Variants in GAREM1 observed in about 807,000 individuals in gnomAD.
GAREM1 encodes GRB2-associated and regulator of MAPK protein 1.
Under a neutral mutation model 71.3 loss-of-function variants are expected in GAREM1, and 26 were observed. That is an observed-to-expected ratio of 0.36 (90% CI 0.27 to 0.51). The LOEUF is 0.51. GAREM1 is among the 20% of genes least tolerant of loss of function. The pLI, the probability that GAREM1 is intolerant of heterozygous loss-of-function variation, is 0.95. For missense variants in GAREM1, 1,026 were observed against 1,103.1 expected (o/e 0.93, Z 0.99); for synonymous variants, 440 against 433.2 (o/e 1.02, Z -0.20).
At chr18:32,376,473 CTG>C (rs1251325430) in intron 2 of GAREM1, among the ~76,000 whole-genome samples, 7 of 152,204 alleles carry the variant, frequency 4.6e-5, no homozygotes, top group Admixed American at 4.6e-4. Flanking sequence ...ATCACATAAA[CTG>C]TAAATATTTT....
At position 32,315,442 on chromosome 18, in the gene GAREM1, AT is replaced by A. The variant is rs202221722; in HGVS notation, c.263-5120del. 7.0e-4 allele frequency among the ~76,000 whole-genome samples: 100 copies of A among 142,576 alleles called. 1 individual carries two copies. Among genetic ancestry groups the A allele is most frequent in the Middle Eastern group, 3.6e-3 (1 of 276 alleles). 93.5% of individuals were successfully genotyped at this position (142,576 alleles called of 152,430 possible). On this transcript the variant is annotated intron_variant, in intron 2 of 5. Coordinates refer to ENST00000269209, the MANE Select transcript of GAREM1 (RefSeq NM_001242409.2). ...ATATATATAAAGTATATATAAAAAA[AT>A]ATATATAAAAGTATATATATAAATA...
chr18:32,296,714 T>TAG (rs1189274075), intron 3 of GAREM1, among the ~76,000 whole-genome samples: 3 of 151,688 alleles, frequency 2.0e-5, no homozygotes, highest in South Asian at 2.1e-4. Context: ...GCAGTTTTTT[T>TAG]TTTTTTTTAA....
At chr18:32,407,658 C>T (rs903468489) in intron 1 of GAREM1, among the ~76,000 whole-genome samples, 3 of 152,134 alleles carry the variant, frequency 2.0e-5, no homozygotes, top group Non-Finnish European at 2.9e-5. Flanking sequence ...CTTCTCTTCC[C>T]TCTTTATTCT....
At chr18:32,420,504 A>G (rs2048509329) in intron 1 of GAREM1, among the ~76,000 whole-genome samples, 1 of 152,246 alleles carries the variant, frequency 6.6e-6, no homozygotes, top group African/African-American at 2.4e-5. Context: ...TTATGGATTC[A>G]CTATTCCTGA....
At chr18:32,449,219 C>T (rs1193973268) in intron 1 of GAREM1, among the ~76,000 whole-genome samples, 1 of 152,140 alleles carries the variant, frequency 6.6e-6, no homozygotes, top group East Asian at 1.9e-4. Flanking sequence ...CATAATTAGT[C>T]CTCAATGAAC....
chr18:32,335,975 T>C (rs1468314385), intron 2 of GAREM1, among the ~76,000 whole-genome samples: 6 of 152,186 alleles, frequency 3.9e-5, no homozygotes, highest in Admixed American at 3.9e-4. Context: ...ACGCTGACAC[T>C]ACCAGAAAGA....
intron 2 of GAREM1, among the ~76,000 whole-genome samples, chr18:32,344,020 T>G (rs1397096882): frequency 6.6e-6 from 1 of 152,152 alleles, no homozygotes; most frequent in Non-Finnish European, 1.5e-5. Context: ...TTGCCAAGGC[T>G]CAGATCTCCA....
chr18:32,270,195 G>C (rs985293221), intron 5 of GAREM1, 22 bp downstream of exon 5: 1 of 1,611,962 alleles, frequency 6.2e-7, no homozygotes, highest in Non-Finnish European at 8.5e-7. Flanking sequence ...AGCGTGCAGT[G>C]GGACCTGGCA....
At chr18:32,271,427 T>G (rs1213302912) in intron 4 of GAREM1, among the ~76,000 whole-genome samples, 1 of 152,088 alleles carries the variant, frequency 6.6e-6, no homozygotes, top group African/African-American at 2.4e-5. Context: ...TCCTTGCATC[T>G]ACTTGCCTGG....
intron 1 of GAREM1, among the ~76,000 whole-genome samples, chr18:32,399,327 T>A (rs1219278195): frequency 6.6e-6 from 1 of 152,094 alleles, no homozygotes; most frequent in Non-Finnish European, 1.5e-5. Context: ...GCCAGGGCAA[T>A]CAGGCAGGAG....
chr18:32,280,647 T>C, intron 4 of GAREM1, among the ~76,000 whole-genome samples: 1 of 152,242 alleles, frequency 6.6e-6, no homozygotes, highest in East Asian at 1.9e-4. Context: ...TTTGTGATGA[T>C]TCCACAGTTA....
chr18:32,413,098 C>A, intron 1 of GAREM1: 2 of 1,535,646 alleles, frequency 1.3e-6, no homozygotes, highest in Non-Finnish European at 1.8e-6. Context: ...AGGCTCTCAT[C>A]AGTTGTTTCA....
chr18:32,419,684 G>T (rs564904263), intron 1 of GAREM1, among the ~76,000 whole-genome samples: 1 of 148,256 alleles, frequency 6.7e-6, no homozygotes, highest in Non-Finnish European at 1.5e-5. Context: ...AATTACATCT[G>T]TAAAATTTAA....
chr18:32,450,533 C>T (rs538093290), intron 1 of GAREM1, among the ~76,000 whole-genome samples: 2 of 152,182 alleles, frequency 1.3e-5, no homozygotes, highest in Non-Finnish European at 2.9e-5. Flanking sequence ...GTGATTCACT[C>T]GGTAGCTTGA....
At chr18:32,383,196 C>G (rs2048113930) in intron 2 of GAREM1, among the ~76,000 whole-genome samples, 1 of 152,184 alleles carries the variant, frequency 6.6e-6, no homozygotes, top group South Asian at 2.1e-4. Context: ...TATACCTCAC[C>G]AAAAATCAAC....
rs184676413 is a variant in GAREM1, at chr18:32,359,452, C to T, written c.262+33443G>A. Among the ~76,000 whole-genome samples, 15 of 152,272 alleles carry T rather than the reference C, an allele frequency of 9.9e-5. No homozygotes were observed. In the East Asian group the frequency reaches 2.9e-3, roughly 29 times the overall value. ...CAGTTTGGGGATTATAATAAAAATTCAGTTTATACTATACAGTTCACAGTG... is the reference window on the plus strand; with the variant it reads ...CAGTTTGGGGATTATAATAAAAATTTAGTTTATACTATACAGTTCACAGTG... On this transcript the variant is annotated intron_variant, in intron 2 of 5. Transcript: ENST00000269209.
intron 1 of GAREM1, among the ~76,000 whole-genome samples, chr18:32,448,720 A>G (rs776494850): frequency 2.0e-5 from 3 of 152,252 alleles, no homozygotes; most frequent in Non-Finnish European, 4.4e-5. Context: ...CAAGTCTTTT[A>G]CAAACCAAGA....
intron 2 of GAREM1, among the ~76,000 whole-genome samples, chr18:32,322,474 CTAAACTA>C (rs1420955600): frequency 3.3e-5 from 5 of 151,438 alleles, no homozygotes; most frequent in Non-Finnish European, 7.4e-5. Flanking sequence ...CACTTATTAC[CTAAACTA>C]TAAAGATTGG....
chr18:32,387,136 G>C (rs1447503617), intron 2 of GAREM1, among the ~76,000 whole-genome samples: 1 of 151,972 alleles, frequency 6.6e-6, no homozygotes, highest in Non-Finnish European at 1.5e-5. Flanking sequence ...ACCAACTGGG[G>C]ATCTGCTTGA....
Sources: gnomAD v4.1 joint callset for allele counts (sites outside exome capture counted in the v4.1 genomes callset) on GRCh38, gnomAD v4.1.1 for gene constraint, MANE v1.5 for transcripts, NCBI Gene and HGNC (gene_info 2026-07-23, HGNC 2026-07-21) for gene names.